ZNF804A: variants seen among roughly 807,000 people sequenced by gnomAD.
ZNF804A encodes zinc finger protein 804A.
A neutral mutation model predicts 16.5 loss-of-function variants in ZNF804A; 2 were observed. That is an observed-to-expected ratio of 0.12 (90% CI 0.05 to 0.38). ZNF804A has a LOEUF of 0.38. Ranked by LOEUF, ZNF804A falls within the 10% of genes least tolerant of loss-of-function variation. ZNF804A has a pLI of 0.99. For synonymous variants in ZNF804A, 534 were observed against 489.6 expected (o/e 1.09, Z -1.20); for missense variants, 1,473 against 1,390.7 (o/e 1.06, Z -0.94).
intron 1 of ZNF804A, among the ~76,000 whole-genome samples, chr2:184,837,222 C>T (rs1277645854): frequency 4.6e-5 from 7 of 151,942 alleles, no homozygotes; most frequent in South Asian, 4.1e-4. Flanking sequence ...AAGAAACATG[C>T]GTCCTTATTA....
chr2:184,742,829 A>G (rs1313694681), intron 1 of ZNF804A, among the ~76,000 whole-genome samples: 1 of 151,870 alleles, frequency 6.6e-6, no homozygotes, highest in Non-Finnish European at 1.5e-5. Context: ...TATATTATAT[A>G]GCTTCCAACT....
At chr2:184,832,564 A>G (rs1220013292) in intron 1 of ZNF804A, among the ~76,000 whole-genome samples, 1 of 151,960 alleles carries the variant, frequency 6.6e-6, no homozygotes, top group Non-Finnish European at 1.5e-5. Flanking sequence ...CTTAGATATC[A>G]AGAGATGAGT....
chr2:184,939,206 A>T lies in ZNF804A; in HGVS notation c.*180A>T. 2 of 651,994 alleles carry T rather than the reference A, an allele frequency of 3.1e-6. No individual in the cohort carries two copies. The highest frequency in any genetic ancestry group is 3.6e-5 in the African/African-American group (2 of 54,986). 40.4% of individuals were successfully genotyped at this position (651,994 alleles called of 1,614,324 possible). ...ATGCAAATAAATCCCTAAGTTTCTG[A>T]TATATAATATTATTAAAGCACTGAA... On this transcript the variant is annotated 3_prime_UTR_variant, in exon 4 of 4. Coordinates refer to ENST00000302277, the MANE Select transcript of ZNF804A (RefSeq NM_194250.2).
chr2:184,703,878 A>C (rs1227062261), intron 1 of ZNF804A, among the ~76,000 whole-genome samples: 4 of 152,056 alleles, frequency 2.6e-5, no homozygotes, highest in Non-Finnish European at 5.9e-5. Flanking sequence ...ATTTGTTTTG[A>C]AGATAAATCT....
At chr2:184,875,634 G>A (rs6759569) in intron 2 of ZNF804A, among the ~76,000 whole-genome samples, 9,813 of 151,820 alleles carry the variant, frequency 0.065, 1,080 homozygotes, top group African/African-American at 0.22. Context: ...GTACAGAGAC[G>A]GTGTCCATCA....
chr2:184,608,166 C>T (rs1441730844), intron 1 of ZNF804A, among the ~76,000 whole-genome samples: 1 of 151,536 alleles, frequency 6.6e-6, no homozygotes, highest in East Asian at 1.9e-4. Context: ...GGGATGGTCT[C>T]GATCTCCTGA....
chr2:184,841,944 T>C (rs1695442386), intron 1 of ZNF804A, among the ~76,000 whole-genome samples: 1 of 152,142 alleles, frequency 6.6e-6, no homozygotes, highest in Non-Finnish European at 1.5e-5. Context: ...TCGTGTCTTG[T>C]TTTTATCATA....
chr2:184,637,622 C>T (rs1403183803), intron 1 of ZNF804A, among the ~76,000 whole-genome samples: 3 of 152,054 alleles, frequency 2.0e-5, no homozygotes, highest in African/African-American at 7.2e-5. Context: ...GCAGATTTAT[C>T]TTGTGTTCAT....
chr2:184,777,217 C>G (rs1574207505), intron 1 of ZNF804A, among the ~76,000 whole-genome samples: 2 of 151,508 alleles, frequency 1.3e-5, no homozygotes, highest in African/African-American at 4.8e-5. Context: ...CTTCAGTTAC[C>G]CACTCACATA....
At position 184,722,338 on chromosome 2, in the gene ZNF804A, A is replaced by G. The variant is rs78596406; in HGVS notation, c.111+123268A>G. Among the ~76,000 whole-genome samples, 71 of 152,162 alleles carry G rather than the reference A, an allele frequency of 4.7e-4. No homozygotes were observed. The East Asian group carries it at 9.1e-3, about 19-fold the overall frequency. ...TTATGCCGTGTTTAAGATGGCTGGA[A>G]AATAAATGGTGTACATCGAAATTTT... is the stretch of plus-strand genomic sequence containing the variant. On this transcript the variant is annotated intron_variant, in intron 1 of 3. Coordinates refer to ENST00000302277, the MANE Select transcript of ZNF804A (RefSeq NM_194250.2).
At chr2:184,841,123 T>C (rs542006726) in intron 1 of ZNF804A, among the ~76,000 whole-genome samples, 1 of 152,220 alleles carries the variant, frequency 6.6e-6, no homozygotes, top group East Asian at 1.9e-4. Context: ...ATCTTTCACG[T>C]TTTTGTCATA....
chr2:184,847,289 A>G (rs1695534795), intron 1 of ZNF804A, among the ~76,000 whole-genome samples: 1 of 152,020 alleles, frequency 6.6e-6, no homozygotes, highest in African/African-American at 2.4e-5. Flanking sequence ...ATCTTTTTTA[A>G]AGACCTTACA....
intron 2 of ZNF804A, among the ~76,000 whole-genome samples, chr2:184,927,916 T>C (rs1018094545): frequency 6.6e-6 from 1 of 152,050 alleles, no homozygotes; most frequent in African/African-American, 2.4e-5. Flanking sequence ...AGAAATGCCA[T>C]GCAAAAGCCA....
At chr2:184,630,025 T>A (rs1327065795) in intron 1 of ZNF804A, among the ~76,000 whole-genome samples, 1 of 152,140 alleles carries the variant, frequency 6.6e-6, no homozygotes, top group Non-Finnish European at 1.5e-5. Context: ...ATAATGACTT[T>A]AAAGCAATGT....
In ZNF804A at chr2:184,598,698, G is replaced by A; in HGVS notation, c.-262G>A. 3.7e-6 allele frequency: 1 copy of A among 272,616 alleles called. No individual in the cohort carries two copies. The highest frequency in any genetic ancestry group is 6.8e-6 in the Non-Finnish European group (1 of 147,044). 16.9% of individuals were successfully genotyped at this position (272,616 alleles called of 1,614,324 possible). A position where few individuals can be genotyped will look rare whatever the true frequency, so the allele number is the denominator to read the frequency against. ...CCTCCTAGGCTGGAATCCTCCCGCGGGGCTCGTCGTCCCGACGCGAATCTG... is the reference window on the plus strand; with the variant it reads ...CCTCCTAGGCTGGAATCCTCCCGCGAGGCTCGTCGTCCCGACGCGAATCTG... On this transcript the variant is annotated 5_prime_UTR_variant, in exon 1 of 4. Coordinates refer to ENST00000302277, the MANE Select transcript of ZNF804A (RefSeq NM_194250.2).
At chr2:184,665,641 T>C (rs780060581) in intron 1 of ZNF804A, among the ~76,000 whole-genome samples, 12 of 152,374 alleles carry the variant, frequency 7.9e-5, no homozygotes, top group Non-Finnish European at 1.5e-4. Flanking sequence ...ATGGGTCAGC[T>C]GTTATCTGGA....
intron 1 of ZNF804A, among the ~76,000 whole-genome samples, chr2:184,610,390 T>A (rs146771932): frequency 6.6e-6 from 1 of 151,968 alleles, no homozygotes; most frequent in Admixed American, 6.6e-5. Flanking sequence ...ACTCTGGGAG[T>A]TGCCAAAGAC....
intron 1 of ZNF804A, among the ~76,000 whole-genome samples, chr2:184,621,509 A>G (rs956826793): frequency 3.3e-5 from 5 of 151,752 alleles, no homozygotes; most frequent in African/African-American, 4.8e-5. Flanking sequence ...TAGAGAAAGT[A>G]TGTGTCTGCA....
Position 184,936,966 on chromosome 2 carries a change from A to G in ZNF804A, c.1570A>G (p.Thr524Ala), listed in dbSNP as rs1685799305. 3.7e-6 allele frequency: 6 copies of G among 1,613,872 alleles called. No homozygotes were observed. The South Asian group carries it at 6.6e-5, about 18-fold the overall frequency. Residue 524 changes from threonine (T) to alanine (A), a missense_variant, in exon 4 of 4, where the codon ACT (threonine) becomes GCT (alanine). Coordinates refer to ENST00000302277, the MANE Select transcript of ZNF804A (RefSeq NM_194250.2). The part of the protein sequence containing the change: ...GSSKNKCSQV[T>A]PLLADDILSS... Reference sequence around the variant, plus strand: ...TAGCAAAAATAAATGCAGCCAAGTCACTCCTCTTTTGGCTGATGATATTCT... The same window carrying G: ...TAGCAAAAATAAATGCAGCCAAGTCGCTCCTCTTTTGGCTGATGATATTCT...
Sources: allele counts gnomAD v4.1 joint callset (sites outside exome capture counted in the v4.1 genomes callset), GRCh38; gene constraint gnomAD v4.1.1; transcripts MANE v1.5; gene names NCBI Gene and HGNC (gene_info 2026-07-23, HGNC 2026-07-21).